Variants in LRRTM4 observed in about 807,000 individuals in gnomAD.
LRRTM4 encodes the protein leucine rich repeat transmembrane neuronal 4.
In LRRTM4, 25 loss-of-function variants were observed where a neutral mutation model predicts 47.6. That is an observed-to-expected ratio of 0.53 (90% CI 0.38 to 0.73). LRRTM4 has a LOEUF of 0.73. Ranked by LOEUF, LRRTM4 falls within the 30% of genes least tolerant of loss-of-function variation. The pLI is 0.00. For synonymous variants in LRRTM4, 311 were observed against 269.5 expected, an observed-to-expected ratio of 1.15 and a Z score of -1.51; for missense variants, 638 against 713.4, an observed-to-expected ratio of 0.89 and a Z score of 1.20.
chr2:77,357,658 C>G (rs776868512), intron 3 of LRRTM4, among the ~76,000 whole-genome samples: 2 of 152,262 alleles, frequency 1.3e-5, no homozygotes, highest in Middle Eastern at 3.4e-3. Context: ...CATCACAGCA[C>G]ACTTGGAAAC....
At chr2:77,377,471 T>G (rs13025831) in intron 3 of LRRTM4, among the ~76,000 whole-genome samples, 49,611 of 151,706 alleles carry the variant, frequency 0.33, 9,002 homozygotes, top group East Asian at 0.56. Flanking sequence ...ATTTCTTCTT[T>G]CTAATTCTTA....
intron 3 of LRRTM4, among the ~76,000 whole-genome samples, chr2:76,846,588 C>A (rs921547574): frequency 6.6e-6 from 1 of 151,772 alleles, no homozygotes; most frequent in Non-Finnish European, 1.5e-5. Context: ...ATCAGTTCAT[C>A]ACAGAAATAA....
chr2:77,270,460 T>C (rs1676161513), intron 3 of LRRTM4, among the ~76,000 whole-genome samples: 1 of 152,116 alleles, frequency 6.6e-6, no homozygotes, highest in African/African-American at 2.4e-5. Context: ...TAATTCTAAT[T>C]TGGTATCACA....
intron 3 of LRRTM4, among the ~76,000 whole-genome samples, chr2:77,342,203 T>C (rs1474236645): frequency 2.0e-5 from 3 of 151,964 alleles, no homozygotes; most frequent in African/African-American, 7.2e-5. Flanking sequence ...GAATGATTGA[T>C]GTACGTAGAA....
At chr2:77,038,259 C>T (rs1031907524) in intron 3 of LRRTM4, among the ~76,000 whole-genome samples, 3 of 151,504 alleles carry the variant, frequency 2.0e-5, no homozygotes, top group Admixed American at 1.3e-4. Flanking sequence ...CACCATATTG[C>T]ATTAAAAATT....
intron 3 of LRRTM4, among the ~76,000 whole-genome samples, chr2:77,063,233 T>C (rs911708613): frequency 1.3e-5 from 2 of 152,064 alleles, no homozygotes; most frequent in African/African-American, 2.4e-5. Flanking sequence ...GCTGGGATTA[T>C]AGGCGTGAGC....
chr2:76,810,240 C>A (rs1328572502), intron 3 of LRRTM4, among the ~76,000 whole-genome samples: 2 of 152,068 alleles, frequency 1.3e-5, no homozygotes, highest in Non-Finnish European at 2.9e-5. Context: ...TTGTAAGTGA[C>A]AATTCCAATT....
At chr2:76,839,042 C>G (rs1207253184) in intron 3 of LRRTM4, among the ~76,000 whole-genome samples, 2 of 152,016 alleles carry the variant, frequency 1.3e-5, no homozygotes, top group African/African-American at 2.4e-5. Flanking sequence ...GCCAGATTAC[C>G]TCAAGACCTC....
chr2:76,849,106 A>AT (rs953977818), intron 3 of LRRTM4, among the ~76,000 whole-genome samples: 4 of 151,866 alleles, frequency 2.6e-5, no homozygotes, highest in Non-Finnish European at 4.4e-5. Flanking sequence ...TGGAAATAAG[A>AT]TTTTTTTTCT....
At chr2:77,305,608 A>G (rs1385014639) in intron 3 of LRRTM4, among the ~76,000 whole-genome samples, 1 of 152,084 alleles carries the variant, frequency 6.6e-6, no homozygotes, top group Non-Finnish European at 1.5e-5. Flanking sequence ...CTAAAACTCA[A>G]TGCATGTTTT....
At chr2:76,982,471 A>G (rs989972475) in intron 3 of LRRTM4, among the ~76,000 whole-genome samples, 3 of 152,086 alleles carry the variant, frequency 2.0e-5, no homozygotes, top group African/African-American at 4.8e-5. Context: ...TTTAATAATG[A>G]TAATAAAAAT....
At chr2:76,957,416 C>T (rs1675710549) in intron 3 of LRRTM4, among the ~76,000 whole-genome samples, 1 of 151,724 alleles carries the variant, frequency 6.6e-6, no homozygotes, top group Admixed American at 6.6e-5. Context: ...GGTTTTTCCA[C>T]AGTGATAACA....
chr2:77,441,466 G>T (rs1041153090), intron 3 of LRRTM4, among the ~76,000 whole-genome samples: 3 of 151,964 alleles, frequency 2.0e-5, no homozygotes, highest in Non-Finnish European at 4.4e-5. Flanking sequence ...TCTGCTGTTC[G>T]ATATTTACAG....
intron 3 of LRRTM4, among the ~76,000 whole-genome samples, chr2:76,920,943 A>G (rs1255205206): frequency 6.6e-6 from 1 of 152,128 alleles, no homozygotes; most frequent in Admixed American, 6.6e-5. Context: ...TGCAAAGATT[A>G]TACTGAGTTT....
chr2:76,840,022 G>A (rs1418874126), intron 3 of LRRTM4, among the ~76,000 whole-genome samples: 1 of 152,058 alleles, frequency 6.6e-6, no homozygotes, highest in Non-Finnish European at 1.5e-5. Context: ...CAGACCCCCT[G>A]CTGCCTAAAT....
chr2:77,065,520 C>A (rs1220736567), intron 3 of LRRTM4, among the ~76,000 whole-genome samples: 1 of 152,074 alleles, frequency 6.6e-6, no homozygotes. Flanking sequence ...AAATAAATAC[C>A]ACTATTACTA....
rs1298717401 is a variant in LRRTM4, at chr2:77,360,565, CAT to C, written c.1551+157751_1551+157752del. ...ACAATCATTCATACATACATACATA[CAT>C]ACATACATACATACATACATACATA... On this transcript the variant is annotated intron_variant, in intron 3 of 3. Coordinates refer to ENST00000409884, the MANE Select transcript of LRRTM4 (RefSeq NM_001134745.3). 6.5e-3 allele frequency among the ~76,000 whole-genome samples: 987 copies of C among 151,190 alleles called. 11 individuals carry two copies. Among genetic ancestry groups the C allele is most frequent in the African/African-American group, 0.023 (924 of 40,990 alleles).
intron 3 of LRRTM4, among the ~76,000 whole-genome samples, chr2:76,910,047 G>A (rs192902708): frequency 4.8e-4 from 73 of 152,182 alleles, no homozygotes; most frequent in African/African-American, 1.5e-3. Flanking sequence ...ACATGAACAC[G>A]TATGTTTATT....
At chr2:76,928,536 G>T (rs985809403) in intron 3 of LRRTM4, among the ~76,000 whole-genome samples, 1 of 152,090 alleles carries the variant, frequency 6.6e-6, no homozygotes, top group Non-Finnish European at 1.5e-5. Flanking sequence ...CTTGAACATT[G>T]AGGGCAAATA....
Sources: gnomAD v4.1 joint callset for allele counts (sites outside exome capture counted in the v4.1 genomes callset) on GRCh38, gnomAD v4.1.1 for gene constraint, MANE v1.5 for transcripts, NCBI Gene and HGNC (gene_info 2026-07-23, HGNC 2026-07-21) for gene names.